The following CAPZB variants were observed in gnomAD, a reference collection of about 807,000 sequenced individuals.
The protein encoded by CAPZB is capping actin protein of muscle Z-line subunit beta.
A neutral mutation model predicts 38.1 loss-of-function variants in CAPZB; 2 were observed. The observed-to-expected ratio is 0.05, with a 90% CI of 0.02 to 0.17. The LOEUF (loss-of-function observed/expected upper bound fraction) is 0.17, where lower values mean the gene tolerates loss of function less well. Ranked by LOEUF, CAPZB falls within the 10% of genes least tolerant of loss-of-function variation. The pLI, the probability that CAPZB is intolerant of heterozygous loss-of-function variation, is 1.00. For missense variants in CAPZB, 161 were observed against 334.2 expected (o/e 0.48, Z 4.04); for synonymous variants, 107 against 127.4 (o/e 0.84, Z 1.08).
intron 2 of CAPZB, among the ~76,000 whole-genome samples, chr1:19,393,746 G>A (rs542076476): frequency 1.3e-5 from 2 of 152,328 alleles, no homozygotes; most frequent in East Asian, 1.9e-4. Context: ...GCCTGGGGTC[G>A]CCTGGGAAGG....
intron 1 of CAPZB, among the ~76,000 whole-genome samples, chr1:19,430,212 G>A (rs116393108): frequency 0.05 from 7,667 of 152,124 alleles, 258 homozygotes; most frequent in Non-Finnish European, 0.072. Context: ...AAATTTCCAC[G>A]CGCCTCTCCC....
chr1:19,400,085 T>C (rs1342238631), intron 2 of CAPZB, among the ~76,000 whole-genome samples: 2 of 152,172 alleles, frequency 1.3e-5, no homozygotes, highest in Non-Finnish European at 2.9e-5. Flanking sequence ...AATTTCTATA[T>C]TTGTATACAG....
At chr1:19,404,116 C>T (rs12119296) in intron 2 of CAPZB, among the ~76,000 whole-genome samples, 5,793 of 151,384 alleles carry the variant, frequency 0.038, 131 homozygotes, top group African/African-American at 0.049. Context: ...ACCTGTAGTC[C>T]CAGCTACTCG....
At chr1:19,411,796 T>C (rs915787710) in intron 2 of CAPZB, among the ~76,000 whole-genome samples, 1 of 152,200 alleles carries the variant, frequency 6.6e-6, no homozygotes, top group Non-Finnish European at 1.5e-5. Flanking sequence ...CCACTTCCTC[T>C]TTCTAAGCAA....
chr1:19,418,465 C>G (rs761513386), intron 2 of CAPZB, among the ~76,000 whole-genome samples: 21 of 152,322 alleles, frequency 1.4e-4, no homozygotes, highest in Admixed American at 2.6e-4. Flanking sequence ...GCAGGACCCT[C>G]TCTTTTTGAT....
At chr1:19,429,438 T>C (rs2094434988) in intron 1 of CAPZB, among the ~76,000 whole-genome samples, 1 of 152,198 alleles carries the variant, frequency 6.6e-6, no homozygotes, top group Non-Finnish European at 1.5e-5. Context: ...AAGGCAGAGA[T>C]ACGATATACT....
chr1:19,398,985 T>C (rs145928477), intron 2 of CAPZB, among the ~76,000 whole-genome samples: 94 of 151,608 alleles, frequency 6.2e-4, no homozygotes, highest in Middle Eastern at 3.4e-3. Context: ...GCCTCCCGAG[T>C]AGCTGGGACT....
Position 19,348,261 on chromosome 1 carries a change from C to CT in CAPZB, c.589-3010dup, listed in dbSNP as rs112166487. On this transcript the variant is annotated intron_variant, in intron 6 of 8. Transcript: ENST00000264202. ...GCAGGGCTGGATTCAGTTTAGGGCA[C>CT]TTTTTTTTTTTTAATTTTCTTTTAA... is the stretch of plus-strand genomic sequence containing the variant. 0.011 allele frequency among the ~76,000 whole-genome samples: 1,577 copies of CT among 145,498 alleles called. 54 individuals are homozygous for CT. The East Asian group carries it at 0.14, about 13-fold the overall frequency.
chr1:19,467,008 G>T (rs954681748), intron 1 of CAPZB, among the ~76,000 whole-genome samples: 1 of 151,978 alleles, frequency 6.6e-6, no homozygotes, highest in Non-Finnish European at 1.5e-5. Context: ...GGATCCTCCC[G>T]CCTCAGCCTC....
chr1:19,387,350 C>T (rs1260876430), intron 2 of CAPZB, among the ~76,000 whole-genome samples: 1 of 152,196 alleles, frequency 6.6e-6, no homozygotes, highest in Admixed American at 6.5e-5. Context: ...CTCTCCTAGC[C>T]CCAGCCCTGC....
intron 2 of CAPZB, among the ~76,000 whole-genome samples, chr1:19,390,381 T>C (rs944564965): frequency 1.3e-5 from 2 of 152,242 alleles, no homozygotes; most frequent in African/African-American, 2.4e-5. Flanking sequence ...GGCAGCCGGA[T>C]GGTTTCTGTC....
intron 2 of CAPZB, among the ~76,000 whole-genome samples, chr1:19,412,949 C>T (rs915115842): frequency 2.0e-5 from 3 of 152,210 alleles, no homozygotes; most frequent in Non-Finnish European, 4.4e-5. Flanking sequence ...AATTAATTCC[C>T]CATAAAATGT....
intron 1 of CAPZB, among the ~76,000 whole-genome samples, chr1:19,427,970 T>C (rs2094429179): frequency 6.6e-6 from 1 of 152,176 alleles, no homozygotes; most frequent in African/African-American, 2.4e-5. Flanking sequence ...ACTCTGACCA[T>C]AGAGACAAAC....
At chr1:19,476,222 AGAT>A (rs550059153) in intron 1 of CAPZB, among the ~76,000 whole-genome samples, 2 of 75,400 alleles carry the variant, frequency 2.7e-5, no homozygotes, top group Non-Finnish European at 6.0e-5. Context: ...ATAGATAGAT[AGAT>A]AGGCAGGCAG....
chr1:19,444,832 T>C (rs897122580), intron 1 of CAPZB, among the ~76,000 whole-genome samples: 31 of 152,118 alleles, frequency 2.0e-4, no homozygotes, highest in Non-Finnish European at 3.8e-4. Context: ...AACCTCCACC[T>C]CCCAGGTTCA....
At chr1:19,444,962 T>C (rs4912001) in intron 1 of CAPZB, among the ~76,000 whole-genome samples, 67,148 of 151,928 alleles carry the variant, frequency 0.44, 15,308 homozygotes, top group African/African-American at 0.54. Context: ...AGGCTGGTAT[T>C]GAACTCCTAA....
intron 1 of CAPZB, among the ~76,000 whole-genome samples, chr1:19,438,104 G>C (rs1041912401): frequency 1.3e-5 from 2 of 152,150 alleles, no homozygotes; most frequent in Non-Finnish European, 2.9e-5. Context: ...GGAGGGGACC[G>C]GGCACATGGT....
rs577641388 is a variant in CAPZB at position 19,442,527 on chromosome 1, T to C, written c.4-22777A>G. On this transcript the variant is annotated intron_variant, in intron 1 of 8. Transcript: ENST00000264202. ...AAAGTTCCCTTACGGTAAGGCCTGG[T>C]TGCCACCTACTCCTAGGCTCTTGCA... Among the ~76,000 whole-genome samples the C allele has an allele frequency of 1.8e-4, 28 of 152,344 alleles. No individual in the cohort carries two copies. The East Asian group carries it at 2.9e-3, about 16-fold the overall frequency.
At chr1:19,373,332 C>T (rs1229180761) in intron 4 of CAPZB, among the ~76,000 whole-genome samples, 1 of 152,172 alleles carries the variant, frequency 6.6e-6, no homozygotes, top group African/African-American at 2.4e-5. Context: ...GCCACATCTC[C>T]AAGGAGTTAC....
Sources: allele counts gnomAD v4.1 joint callset (sites outside exome capture counted in the v4.1 genomes callset), GRCh38; gene constraint gnomAD v4.1.1; transcripts MANE v1.5; gene names NCBI Gene and HGNC (gene_info 2026-07-23, HGNC 2026-07-21).